CA10: variants seen among roughly 807,000 people sequenced by gnomAD.
CA10 encodes carbonic anhydrase-related protein 10.
Under a neutral mutation model 44.2 loss-of-function variants are expected in CA10, and 14 were observed. That is an observed-to-expected ratio of 0.32 (90% CI 0.21 to 0.50). CA10 has a LOEUF of 0.50. CA10 is among the 20% of genes least tolerant of loss of function. The pLI is 0.99. For missense variants in CA10, 350 were observed against 409.7 expected, an observed-to-expected ratio of 0.85 and a Z score of 1.26; for synonymous variants, 159 against 141.6, an observed-to-expected ratio of 1.12 and a Z score of -0.87.
chr17:51,811,102 C>G (rs1017878120), intron 3 of CA10, among the ~76,000 whole-genome samples: 1 of 150,626 alleles, frequency 6.6e-6, no homozygotes, highest in Non-Finnish European at 1.5e-5. Context: ...AGGCTGAGGT[C>G]GGAGAATCGC....
At chr17:52,092,341 A>T (rs1988289002) in intron 1 of CA10, among the ~76,000 whole-genome samples, 1 of 152,242 alleles carries the variant, frequency 6.6e-6, no homozygotes, top group South Asian at 2.1e-4. Flanking sequence ...AAGAGGAGGA[A>T]AAACGTTTTT....
chr17:51,847,499 C>T (rs1978547555), intron 3 of CA10, among the ~76,000 whole-genome samples: 1 of 152,126 alleles, frequency 6.6e-6, no homozygotes, highest in Non-Finnish European at 1.5e-5. Context: ...ATCATGGTCA[C>T]TTGGGATATG....
chr17:51,887,398 G>A (rs1027987457), intron 3 of CA10, among the ~76,000 whole-genome samples: 19 of 152,252 alleles, frequency 1.2e-4, no homozygotes, highest in African/African-American at 4.1e-4. Flanking sequence ...GAAGGCAGGC[G>A]GGGACTCTGA....
chr17:51,822,562 G>A (rs1399311839), intron 3 of CA10, among the ~76,000 whole-genome samples: 1 of 152,130 alleles, frequency 6.6e-6, no homozygotes, highest in African/African-American at 2.4e-5. Context: ...TATATAAATT[G>A]TTTAGGTGTT....
chr17:51,676,068 CT>C (rs1180429546), intron 4 of CA10, among the ~76,000 whole-genome samples: 1 of 152,192 alleles, frequency 6.6e-6, no homozygotes, highest in Non-Finnish European at 1.5e-5. Flanking sequence ...GCTAGTGCTA[CT>C]TAAGTGGAGT....
rs548131925 is a variant in CA10, at chr17:51,677,071, G to C, written c.466-23335C>G. 8.5e-5 allele frequency among the ~76,000 whole-genome samples: 13 copies of C among 152,280 alleles called. No homozygotes were observed. In the South Asian group the frequency reaches 2.7e-3, roughly 32 times the overall value. Reference sequence around the variant, plus strand: ...AGTGTGTTGAAAGAGCATACATTTTGTTGTCAAACAGACCAGGGTTTGAAT... The same window carrying C: ...AGTGTGTTGAAAGAGCATACATTTTCTTGTCAAACAGACCAGGGTTTGAAT... On this transcript the variant is annotated intron_variant, in intron 4 of 8. Transcript: ENST00000451037.
Position 52,123,075 on chromosome 17 carries a change from G to T in CA10, c.61+34651C>A, listed in dbSNP as rs146692170. On this transcript the variant is annotated intron_variant, in intron 1 of 8. Transcript: ENST00000451037. ...GATCAGTGGGAGATCACCTATGATT[G>T]CCAGAGGGAACCAGCACAATTGTGA... Among the ~76,000 whole-genome samples the T allele has an allele frequency of 3.9e-5, 6 of 152,190 alleles. No homozygotes were observed. The East Asian group carries it at 1.2e-3, about 29-fold the overall frequency.
chr17:51,913,546 T>A (rs990529113), intron 3 of CA10, among the ~76,000 whole-genome samples: 6 of 152,172 alleles, frequency 3.9e-5, no homozygotes, highest in African/African-American at 1.4e-4. Flanking sequence ...AGGTCAGACC[T>A]TTCAGGCTTG....
intron 3 of CA10, among the ~76,000 whole-genome samples, chr17:51,922,360 C>T (rs942890917): frequency 1.3e-5 from 2 of 152,306 alleles, no homozygotes; most frequent in African/African-American, 4.8e-5. Flanking sequence ...TCAGTTCTCA[C>T]ATCTGGTCAT....
Position 51,820,554 on chromosome 17 carries a change from T to G in CA10, c.280-72736A>C, listed in dbSNP as rs143911851. Among the ~76,000 whole-genome samples, 1,289 of 152,162 alleles carry G rather than the reference T, an allele frequency of 8.5e-3. 19 individuals are homozygous for G. Among genetic ancestry groups the G allele is most frequent in the African/African-American group, 0.029 (1,219 of 41,492 alleles). Reference sequence around the variant, plus strand: ...CTGACGCACAAACCCATTTCCTGTATTCTGAATCATATTTGAAAATTTCCA... The same window carrying G: ...CTGACGCACAAACCCATTTCCTGTAGTCTGAATCATATTTGAAAATTTCCA... On this transcript the variant is annotated intron_variant, in intron 3 of 8. Transcript: ENST00000451037.
intron 3 of CA10, among the ~76,000 whole-genome samples, chr17:51,809,901 G>T (rs1907288286): frequency 6.6e-6 from 1 of 152,156 alleles, no homozygotes. Flanking sequence ...ACAAAGAGCT[G>T]GCCTTTGATT....
At chr17:51,727,265 C>T (rs1916556622) in intron 4 of CA10, among the ~76,000 whole-genome samples, 2 of 152,184 alleles carry the variant, frequency 1.3e-5, no homozygotes, top group Non-Finnish European at 2.9e-5. Flanking sequence ...CCTGCTTTCA[C>T]TTTTAATTCT....
intron 1 of CA10, among the ~76,000 whole-genome samples, chr17:52,105,583 C>T (rs1407125386): frequency 6.6e-6 from 1 of 152,180 alleles, no homozygotes; most frequent in Admixed American, 6.5e-5. Flanking sequence ...TTACTTTGAG[C>T]AAGGTTCTTA....
intron 4 of CA10, among the ~76,000 whole-genome samples, chr17:51,680,061 C>T (rs182849583): frequency 8.5e-5 from 13 of 152,250 alleles, no homozygotes; most frequent in Admixed American, 8.5e-4. Flanking sequence ...ACCATATGGC[C>T]CACGAAGCCT....
chr17:51,712,345 G>T (rs564844265), intron 4 of CA10, among the ~76,000 whole-genome samples: 4 of 152,348 alleles, frequency 2.6e-5, no homozygotes, highest in African/African-American at 4.8e-5. Context: ...TACCTCAGTT[G>T]TCCAATCTTT....
intron 3 of CA10, among the ~76,000 whole-genome samples, chr17:51,866,637 C>G (rs1230316784): frequency 4.6e-5 from 7 of 152,172 alleles, no homozygotes; most frequent in African/African-American, 1.7e-4. Flanking sequence ...CTCAAGATAC[C>G]CGCTCGACTT....
At chr17:51,924,221 G>C (rs1489885576) in intron 3 of CA10, among the ~76,000 whole-genome samples, 3 of 152,252 alleles carry the variant, frequency 2.0e-5, no homozygotes, top group East Asian at 3.9e-4. Flanking sequence ...GGGGTGAAGG[G>C]TATATTGTGG....
chr17:51,763,486 A>T (rs914712153), intron 3 of CA10: 1 of 152,190 alleles, frequency 6.6e-6, no homozygotes, highest in African/African-American at 2.4e-5. Context: ...ATTAAATGCA[A>T]TTCTGTGCTC....
chr17:51,666,420 T>C (rs1266346425), intron 4 of CA10, among the ~76,000 whole-genome samples: 1 of 152,184 alleles, frequency 6.6e-6, no homozygotes, highest in African/African-American at 2.4e-5. Flanking sequence ...AAGGGGGTTG[T>C]ACGTGCAGGG....
Sources: gnomAD v4.1 joint callset for allele counts (sites outside exome capture counted in the v4.1 genomes callset) on GRCh38, gnomAD v4.1.1 for gene constraint, MANE v1.5 for transcripts, NCBI Gene and HGNC (gene_info 2026-07-23, HGNC 2026-07-21) for gene names.